ZNF800: variants seen among roughly 807,000 people sequenced by gnomAD.
ZNF800 encodes zinc finger protein 800.
Under a neutral mutation model 59.5 loss-of-function variants are expected in ZNF800, and 13 were observed. The ratio of observed to expected loss-of-function variants is 0.22; its 90% confidence interval spans 0.14 to 0.35. The LOEUF (loss-of-function observed/expected upper bound fraction) is 0.35, where lower values mean the gene tolerates loss of function less well. Among genes scored for constraint, ZNF800 ranks in the 10% least tolerant of loss-of-function variants. The pLI is 1.00. For synonymous variants in ZNF800, 266 were observed against 265.7 expected, an observed-to-expected ratio of 1.00 and a Z score of -0.01; for missense variants, 621 against 783.7, an observed-to-expected ratio of 0.79 and a Z score of 2.48.
At chr7:127,375,081 G>A in intron 4 of ZNF800, 47 bp from the exon 5 acceptor site, 2 of 1,432,730 alleles carry the variant, frequency 1.4e-6, no homozygotes, top group African/African-American at 1.4e-5. Flanking sequence ...TTAGCCTGCT[G>A]TAGCCCTCTA....
At chr7:127,384,531 G>A (rs1436624024) in intron 3 of ZNF800, among the ~76,000 whole-genome samples, 3 of 151,818 alleles carry the variant, frequency 2.0e-5, no homozygotes, top group Non-Finnish European at 2.9e-5. Flanking sequence ...ACCGCGCCCA[G>A]CCTAATTCTA....
downstream of ZNF800, among the ~76,000 whole-genome samples, chr7:127,346,427 G>A (rs1276741765): frequency 1.3e-5 from 2 of 152,210 alleles, no homozygotes; most frequent in African/African-American, 4.8e-5. Flanking sequence ...ATGGAAGGCA[G>A]ATGGTAAGAT....
chr7:127,382,030 T>C (rs1396037348), intron 3 of ZNF800, among the ~76,000 whole-genome samples: 1 of 152,150 alleles, frequency 6.6e-6, no homozygotes, highest in African/African-American at 2.4e-5. Flanking sequence ...ACCATACAAT[T>C]AAAGTTACAA....
intron 1 of ZNF800, among the ~76,000 whole-genome samples, chr7:127,358,903 T>C (rs142277916): frequency 1.7e-4 from 26 of 152,246 alleles, no homozygotes; most frequent in South Asian, 6.2e-4. Context: ...TGGAATGCTT[T>C]AACTTTTGAT....
intron 1 of ZNF800, chr7:127,361,934 T>C (rs1448536093): frequency 6.6e-6 from 1 of 152,130 alleles, no homozygotes; most frequent in East Asian, 1.9e-4. Flanking sequence ...AAACTGCTGA[T>C]ACCAAGTAAA....
At chr7:127,355,374 G>C (rs575862296) in intron 1 of ZNF800, among the ~76,000 whole-genome samples, 1 of 152,046 alleles carries the variant, frequency 6.6e-6, no homozygotes, top group East Asian at 1.9e-4. Context: ...ATGCTGCAGG[G>C]TAAAACTGCT....
chr7:127,375,027 A>G lies in ZNF800; in HGVS notation c.309T>C (p.Pro103=). 1 of 1,570,708 alleles carries G rather than the reference A, an allele frequency of 6.4e-7. No homozygotes were observed. The highest frequency in any genetic ancestry group is 8.6e-7 in the Non-Finnish European group (1 of 1,161,964). Residue 103 remains proline, a synonymous_variant, in exon 5 of 6, where the codon CCT becomes CCC. Transcript: ENST00000265827. ...PPSLQMDDNL[P]DVNDKQSQAI... ...CTTGGCTTTGTTTATCATTTACATC[A>G]GGAAGGTCTGTTAAGGAAAAAACAA... is the stretch of plus-strand genomic sequence containing the variant.
intron 1 of ZNF800, chr7:127,363,594 G>T (rs1026303860): frequency 1.3e-5 from 2 of 151,460 alleles, no homozygotes; most frequent in Non-Finnish European, 2.9e-5. Flanking sequence ...TTATAAACGG[G>T]GCACCACAGA....
chr7:127,381,142 TCTTA>T (rs913428646), intron 3 of ZNF800, among the ~76,000 whole-genome samples: 2 of 152,238 alleles, frequency 1.3e-5, no homozygotes, highest in African/African-American at 4.8e-5. Flanking sequence ...GGTTTCATTT[TCTTA>T]CTTAATGCAC....
At chr7:127,378,399 T>G (rs1271372086) in intron 3 of ZNF800, among the ~76,000 whole-genome samples, 1 of 152,120 alleles carries the variant, frequency 6.6e-6, no homozygotes, top group East Asian at 1.9e-4. Context: ...TTAATGTACC[T>G]TTACTTTCCT....
intron 5 of ZNF800, 107 bp from the exon 6 acceptor site, chr7:127,371,921 T>G: frequency 1.7e-6 from 1 of 605,530 alleles, no homozygotes; most frequent in South Asian, 2.0e-5. Context: ...TCATCTCAAG[T>G]TTTCCACACA....
chr7:127,353,322 T>G (rs1385852727), intron 1 of ZNF800, among the ~76,000 whole-genome samples: 1 of 152,194 alleles, frequency 6.6e-6, no homozygotes, highest in Non-Finnish European at 1.5e-5. Flanking sequence ...ATCACAGTTC[T>G]TGACAAGACT....
At chr7:127,366,392 ACAG>A (rs1157975767), downstream of ZNF800, among the ~76,000 whole-genome samples, 1 of 152,136 alleles carries the variant, frequency 6.6e-6, no homozygotes, top group Non-Finnish European at 1.5e-5. Flanking sequence ...TGTCTGGAAA[ACAG>A]CAGCAACTGA....
chr7:127,388,541 G>C lies in ZNF800; in HGVS notation c.62-2386C>G, dbSNP rs546538997. ...AGAATGAAAAAACAGAAATAAATAA[G>C]GGAAGGATATTGGGAAAAACAGACT... On this transcript the variant is annotated intron_variant, in intron 2 of 5. Coordinates refer to ENST00000265827, the MANE Select transcript of ZNF800 (RefSeq NM_176814.5). Among the ~76,000 whole-genome samples the C allele has an allele frequency of 1.5e-3, 225 of 152,252 alleles. 3 individuals are homozygous for C. In the South Asian group the frequency reaches 0.044, roughly 30 times the overall value.
In ZNF800 at chr7:127,373,655, T is replaced by G; in HGVS notation, c.1681A>C (p.Ile561Leu). 6.2e-7 allele frequency: 1 copy of G among 1,614,158 alleles called. No homozygotes were observed. Among genetic ancestry groups the G allele is most frequent in the Non-Finnish European group, 8.5e-7 (1 of 1,180,024 alleles). The change falls in exon 5 of 6, where the codon ATA becomes CTA. Residue 561 changes from isoleucine to leucine, a missense_variant. Ile to Leu is a conservative substitution (Grantham distance 5). This residue lies in a region of ZNF800 where 46 missense variants were observed against 118.4 expected (regional missense o/e 0.39). Coordinates refer to ENST00000265827, the MANE Select transcript of ZNF800 (RefSeq NM_176814.5). ...KITASLEIRA[I>L]KKPIDFVLNK... ...AGAACAAAATCAATAGGCTTTTTTA[T>G]AGCTCTGATCTCTAAACTGGCTGTT... is the stretch of plus-strand genomic sequence containing the variant.
intron 3 of ZNF800, among the ~76,000 whole-genome samples, chr7:127,383,657 G>A (rs75877084): frequency 0.018 from 2,709 of 152,164 alleles, 83 homozygotes; most frequent in African/African-American, 0.062. Flanking sequence ...GCTAAAGAAG[G>A]GCTACCACAG....
chr7:127,377,392 T>A lies in ZNF800; in HGVS notation c.158-63A>T. The A allele has an allele frequency of 1.4e-6, 2 of 1,424,164 alleles. No individual in the cohort carries two copies. Among genetic ancestry groups the A allele is most frequent in the Non-Finnish European group, 1.9e-6 (2 of 1,045,192 alleles). The allele number at this position is 1,424,164 out of a possible 1,614,324, so 88.2% of individuals were successfully genotyped here. On this transcript the variant is annotated intron_variant, in intron 3 of 5. Coordinates refer to ENST00000265827, the MANE Select transcript of ZNF800 (RefSeq NM_176814.5). This position sits in a 1 kb window ranked among gnomAD's most constrained non-coding sequence, Gnocchi z 4.7. Reference sequence around the variant, plus strand: ...GTAACTTTAACATGCACTTTTAAACTGGACAACCACTGTTGACAGACCAAA... The same window carrying A: ...GTAACTTTAACATGCACTTTTAAACAGGACAACCACTGTTGACAGACCAAA...
At position 127,392,267 on chromosome 7, in the gene ZNF800, T is replaced by G; in HGVS notation, c.-266A>C. The G allele has an allele frequency of 2.5e-6, 1 of 392,390 alleles. No homozygotes were observed. The highest frequency in any genetic ancestry group is 4.4e-5 in the Admixed American group (1 of 22,488). The allele number at this position is 392,390 out of a possible 1,614,324, so 24.3% of individuals were successfully genotyped here. The stretch of plus-strand genomic sequence containing the variant: ...GAAGCGCCACAGCTCACCACGTCCC[T>G]CCGCGGGCCGAGACGACTGCGGCGG... On this transcript the variant is annotated 5_prime_UTR_variant, in exon 1 of 6. Coordinates refer to ENST00000265827, the MANE Select transcript of ZNF800 (RefSeq NM_176814.5).
chr7:127,383,438 G>A (rs569199851), intron 3 of ZNF800, among the ~76,000 whole-genome samples: 18 of 152,162 alleles, frequency 1.2e-4, no homozygotes, highest in Non-Finnish European at 2.1e-4. Context: ...GCACCACCAG[G>A]ATAGTTCTTT....
Sources: allele counts gnomAD v4.1 joint callset (sites outside exome capture counted in the v4.1 genomes callset), GRCh38; gene constraint gnomAD v4.1.1; regional missense constraint gnomAD v4.1.1; non-coding constraint Gnocchi (gnomAD v3.1); transcripts MANE v1.5; gene names NCBI Gene and HGNC (gene_info 2026-07-23, HGNC 2026-07-21).